Variants in PTPRR observed in about 807,000 individuals in gnomAD.
The protein encoded by PTPRR is protein tyrosine phosphatase receptor type R.
PTPRR carries 38 observed loss-of-function variants against 77.2 expected under a neutral mutation model. The observed-to-expected ratio is 0.49, with a 90% CI of 0.38 to 0.65. PTPRR has a LOEUF of 0.65. PTPRR is among the 30% of genes least tolerant of loss of function. PTPRR has a pLI of 0.00. For synonymous variants in PTPRR, 299 were observed against 283.1 expected (o/e 1.06, Z -0.57); for missense variants, 744 against 799.2 (o/e 0.93, Z 0.83).
rs896858303 is a variant in PTPRR, at chr12:70,884,910, C to T, written c.357+7769G>A. Among the ~76,000 whole-genome samples, 3 of 143,514 alleles carry T rather than the reference C, an allele frequency of 2.1e-5. No individual in the cohort carries two copies. In the East Asian group the frequency reaches 6.0e-4, roughly 29 times the overall value. 94.2% of individuals were successfully genotyped at this position (143,514 alleles called of 152,430 possible). A position where few individuals can be genotyped will look rare whatever the true frequency, so the allele number is the denominator to read the frequency against. ...AAAAAAAAAAAAGTTTTGCAGGCTC[C>T]AACATAAAGAGGAACAGCACTGTCC... On this transcript the variant is annotated intron_variant, in intron 2 of 13. Transcript: ENST00000283228.
chr12:70,859,112 A>G (rs1892704687), intron 2 of PTPRR, among the ~76,000 whole-genome samples: 1 of 152,064 alleles, frequency 6.6e-6, no homozygotes, highest in South Asian at 2.1e-4. Context: ...ACATCTAAAT[A>G]GATTTTAACT....
intron 2 of PTPRR, among the ~76,000 whole-genome samples, chr12:70,792,693 T>C (rs1306712733): frequency 6.6e-6 from 1 of 152,156 alleles, no homozygotes; most frequent in East Asian, 1.9e-4. Context: ...ACTTCTGTTA[T>C]ATGAGAGGTC....
intron 6 of PTPRR, among the ~76,000 whole-genome samples, chr12:70,707,548 T>C (rs921278639): frequency 1.3e-5 from 2 of 152,134 alleles, no homozygotes; most frequent in Non-Finnish European, 2.9e-5. Flanking sequence ...TTTTTGGACA[T>C]TGAGTCATTT....
At chr12:70,676,980 G>A (rs532444736) in intron 10 of PTPRR, among the ~76,000 whole-genome samples, 1 of 151,830 alleles carries the variant, frequency 6.6e-6, no homozygotes, top group African/African-American at 2.4e-5. Flanking sequence ...GATAGGGAAT[G>A]CATTGAATCT....
At chr12:70,749,707 C>T (rs926360065) in intron 5 of PTPRR, among the ~76,000 whole-genome samples, 5 of 152,010 alleles carry the variant, frequency 3.3e-5, no homozygotes, top group African/African-American at 1.2e-4. Flanking sequence ...GGCTACCAGA[C>T]TACAACTAGA....
intron 2 of PTPRR, among the ~76,000 whole-genome samples, chr12:70,823,147 A>G (rs1018848181): frequency 2.8e-4 from 41 of 147,940 alleles, no homozygotes; most frequent in Middle Eastern, 3.6e-3. Flanking sequence ...ACACACACAC[A>G]CACACACAGA....
chr12:70,918,210 G>A (rs1893802947), intron 1 of PTPRR, among the ~76,000 whole-genome samples: 1 of 152,188 alleles, frequency 6.6e-6, no homozygotes, highest in South Asian at 2.1e-4. Context: ...TTAATCTGAT[G>A]ACAGCTTGTG....
At chr12:70,887,519 C>A (rs1449608703) in intron 2 of PTPRR, among the ~76,000 whole-genome samples, 1 of 151,982 alleles carries the variant, frequency 6.6e-6, no homozygotes, top group Non-Finnish European at 1.5e-5. Flanking sequence ...TAAAAAAATG[C>A]AATAAGAAAT....
Position 70,762,294 on chromosome 12 carries a change from T to TACAC in PTPRR, c.472-672_472-669dup, listed in dbSNP as rs147039273. On this transcript the variant is annotated intron_variant, in intron 3 of 13. Transcript: ENST00000283228. ...AAATGTCTGATATCCTACACACACA[T>TACAC]ACACACACACACACACACAGAGAGC... Among the ~76,000 whole-genome samples the TACAC allele has an allele frequency of 1.0e-3, 149 of 149,452 alleles. 1 individual carries two copies. The highest frequency in any genetic ancestry group is 2.8e-3 in the African/African-American group (115 of 40,932).
chr12:70,681,545 C>T (rs1204831657), intron 10 of PTPRR, among the ~76,000 whole-genome samples: 1 of 152,200 alleles, frequency 6.6e-6, no homozygotes, highest in African/African-American at 2.4e-5. Flanking sequence ...GGCGGTGTGG[C>T]AGAGGCAGAG....
At chr12:70,757,939 C>A (rs1890600587) in intron 4 of PTPRR, among the ~76,000 whole-genome samples, 1 of 152,138 alleles carries the variant, frequency 6.6e-6, no homozygotes, top group Non-Finnish European at 1.5e-5. Flanking sequence ...AACTATCAAT[C>A]AATATTTTTG....
chr12:70,866,801 G>A lies in PTPRR; in HGVS notation c.357+25878C>T, dbSNP rs1269776638. The stretch of plus-strand genomic sequence containing the variant: ...ATCCTCAATAAAATACTGGCAAAAC[G>A]AATCCAGCAGCACATCAAAAAGCTT... On this transcript the variant is annotated intron_variant, in intron 2 of 13. Transcript: ENST00000283228. 2.6e-5 allele frequency among the ~76,000 whole-genome samples: 4 copies of A among 152,172 alleles called. No individual in the cohort carries two copies. In the South Asian group the frequency reaches 8.3e-4, roughly 32 times the overall value.
At chr12:70,728,765 C>A (rs1478530351) in intron 6 of PTPRR, among the ~76,000 whole-genome samples, 1 of 151,848 alleles carries the variant, frequency 6.6e-6, no homozygotes, top group Non-Finnish European at 1.5e-5. Context: ...AATTAGTTAA[C>A]TTCTTTATCT....
rs1192916494 is a variant in PTPRR, at chr12:70,890,668, G to A, written c.357+2011C>T. ...GATAGTCAGAACATGGTCTATTTGA[G>A]TATAAATTAAGTCTCAAAATAATTC... On this transcript the variant is annotated intron_variant, in intron 2 of 13. Coordinates refer to ENST00000283228, the MANE Select transcript of PTPRR (RefSeq NM_002849.4). 2.0e-5 allele frequency among the ~76,000 whole-genome samples: 3 copies of A among 152,230 alleles called. No individual in the cohort carries two copies. The East Asian group carries it at 5.8e-4, about 29-fold the overall frequency.
intron 2 of PTPRR, among the ~76,000 whole-genome samples, chr12:70,849,089 C>T (rs979022914): frequency 6.6e-6 from 1 of 152,146 alleles, no homozygotes; most frequent in Admixed American, 6.6e-5. Context: ...TTTGGGAATA[C>T]AATTTAGCCT....
At chr12:70,708,272 C>T (rs1888691599) in intron 6 of PTPRR, among the ~76,000 whole-genome samples, 1 of 152,076 alleles carries the variant, frequency 6.6e-6, no homozygotes, top group African/African-American at 2.4e-5. Context: ...TGAATAGTTG[C>T]AAATGAATTG....
chr12:70,798,824 C>A (rs886176672), intron 2 of PTPRR, among the ~76,000 whole-genome samples: 1 of 131,780 alleles, frequency 7.6e-6, no homozygotes, highest in African/African-American at 2.8e-5. Flanking sequence ...TCTCTAATAA[C>A]CCCATTTGTG....
At chr12:70,843,680 T>G (rs771167572) in intron 2 of PTPRR, among the ~76,000 whole-genome samples, 1 of 152,192 alleles carries the variant, frequency 6.6e-6, no homozygotes, top group African/African-American at 2.4e-5. Flanking sequence ...TCTTTGTTAT[T>G]GTAATTGATG....
At chr12:70,862,684 T>C (rs560150431) in intron 2 of PTPRR, among the ~76,000 whole-genome samples, 3 of 151,806 alleles carry the variant, frequency 2.0e-5, no homozygotes, top group Non-Finnish European at 4.4e-5. Context: ...GGCACATGTA[T>C]ACATATGTAA....
Sources: gnomAD v4.1 joint callset for allele counts (sites outside exome capture counted in the v4.1 genomes callset) on GRCh38, gnomAD v4.1.1 for gene constraint, MANE v1.5 for transcripts, NCBI Gene and HGNC (gene_info 2026-07-23, HGNC 2026-07-21) for gene names.